MYH11: variants seen among roughly 807,000 people sequenced by gnomAD.
MYH11 encodes myosin heavy chain 11.
Under a neutral mutation model 246.6 loss-of-function variants are expected in MYH11, and 80 were observed. The ratio of observed to expected loss-of-function variants is 0.32; its 90% CI spans 0.27 to 0.39. The LOEUF (loss-of-function observed/expected upper bound fraction) is 0.39, where lower values mean the gene tolerates loss of function less well. Among genes scored for constraint, MYH11 ranks in the 10% least tolerant of loss-of-function variants. The probability of loss-of-function intolerance (pLI) is 1.00; values close to 1 mark genes in which losing one functional copy is unlikely to be tolerated. For missense variants in MYH11, 2,158 were observed against 2,546.8 expected, an observed-to-expected ratio of 0.85 and a Z score of 3.29; for synonymous variants, 1,071 against 1,015.5, an observed-to-expected ratio of 1.05 and a Z score of -1.04.
intron 28 of MYH11, 145 bp downstream of exon 28, chr16:15,726,703 T>A (rs758100233): frequency 7.6e-6 from 7 of 923,926 alleles, no homozygotes; most frequent in Non-Finnish European, 1.0e-5. Context: ...AACAGGGAGA[T>A]CATCGCCTCT....
At chr16:15,755,842 G>A (rs1378745376) in intron 14 of MYH11, among the ~76,000 whole-genome samples, 1 of 152,208 alleles carries the variant, frequency 6.6e-6, no homozygotes, top group Non-Finnish European at 1.5e-5. Flanking sequence ...TGAGGCAGGA[G>A]AATCTCTTGA....
rs1443950324 is a variant in MYH11, at chr16:15,717,786, CCT to C, written c.5296-440_5296-439del. On this transcript the variant is annotated intron_variant, in intron 37 of 40. Coordinates refer to ENST00000300036, the MANE Select transcript of MYH11 (RefSeq NM_002474.3). ...ACTCCAGCCTGGGCCACAGAGAGACCCTGTCTCCAAAAAAAAGAGGTGCTTCC... is the reference window on the plus strand; with the variant it reads ...ACTCCAGCCTGGGCCACAGAGAGACCGTCTCCAAAAAAAAGAGGTGCTTCC... 9.1e-5 allele frequency: 24 copies of C among 264,354 alleles called. No individual in the cohort carries two copies. The South Asian group carries it at 1.1e-3, about 12-fold the overall frequency. The allele number at this position is 264,354 out of a possible 1,614,324, so 16.4% of individuals were successfully genotyped here.
intron 1 of MYH11, among the ~76,000 whole-genome samples, chr16:15,840,976 A>G (rs1250592391): frequency 2.6e-5 from 4 of 152,220 alleles, no homozygotes; most frequent in African/African-American, 7.2e-5. Context: ...GTACATTTCT[A>G]AAAGTCTAGA....
At chr16:15,708,309 C>T (rs1048744159) in intron 40 of MYH11, among the ~76,000 whole-genome samples, 3 of 152,150 alleles carry the variant, frequency 2.0e-5, no homozygotes, top group African/African-American at 7.2e-5. Flanking sequence ...TTACCGTGAA[C>T]TTTGTGATCT....
chr16:15,778,998 C>A (rs1447462257), intron 6 of MYH11, 155 bp from the exon 7 acceptor site: 2 of 750,390 alleles, frequency 2.7e-6, no homozygotes, highest in Non-Finnish European at 4.7e-6. Context: ...AGTTGTCAGG[C>A]GGAACCAACA....
intron 1 of MYH11, among the ~76,000 whole-genome samples, chr16:15,844,278 A>G (rs2044131943): frequency 6.6e-6 from 1 of 152,032 alleles, no homozygotes; most frequent in African/African-American, 2.4e-5. Flanking sequence ...GCTCACTGCA[A>G]CCTCCACCTC....
At chr16:15,784,864 G>C in intron 5 of MYH11, 1 of 809,990 alleles carries the variant, frequency 1.2e-6, no homozygotes, top group Non-Finnish European at 2.0e-6. Flanking sequence ...CCTTGATACT[G>C]TTTCTTTTCT....
At chr16:15,800,439 G>GA (rs1194463220) in intron 3 of MYH11, among the ~76,000 whole-genome samples, 19 of 151,806 alleles carry the variant, frequency 1.3e-4, no homozygotes, top group Admixed American at 9.8e-4. Flanking sequence ...AAGAAAGAAA[G>GA]AAGAAAGGAG....
chr16:15,799,949 T>C (rs1219487983), intron 3 of MYH11, among the ~76,000 whole-genome samples: 1 of 149,774 alleles, frequency 6.7e-6, no homozygotes, highest in East Asian at 2.0e-4. Flanking sequence ...GGAAGATGAG[T>C]GGACGGAAGG....
At chr16:15,711,622 T>C (rs1207813979) in intron 40 of MYH11, among the ~76,000 whole-genome samples, 1 of 152,138 alleles carries the variant, frequency 6.6e-6, no homozygotes, top group African/African-American at 2.4e-5. Context: ...TGTGGTGGTA[T>C]GAGAATGAAG....
In MYH11 at chr16:15,726,885, G is replaced by A. The variant is rs1060500723; in HGVS notation, c.3821C>T (p.Ala1274Val). 2 of 1,612,244 alleles carry A rather than the reference G, an allele frequency of 1.2e-6. No homozygotes were observed. The highest frequency in any genetic ancestry group is 1.7e-6 in the Non-Finnish European group (2 of 1,179,988). ...LQSKCSDGER[A>V]RAELNDKVHK... ...GACTTTGTCATTGAGCTCCGCCCGG[G>A]CCCGCTCCCCATCGCTGCACTTGGA... Residue 1274 changes from alanine to valine, a missense_variant, in exon 28 of 41, where the codon GCC (alanine) becomes GTC (valine). Physicochemically the swap from Ala to Val is moderately conservative, Grantham distance 64 (BLOSUM62 0). Around this residue, in one of 11 missense-constraint regions of MYH11, gnomAD observed 1,013 missense variants for 993.5 expected, o/e 1.02. Transcript: ENST00000300036.
chr16:15,831,663 G>T (rs2043743474), intron 2 of MYH11, among the ~76,000 whole-genome samples: 1 of 152,170 alleles, frequency 6.6e-6, no homozygotes, highest in Non-Finnish European at 1.5e-5. Flanking sequence ...AGAAGGCTGG[G>T]TGCAGTGGCT....
At chr16:15,753,116 C>CT (rs1169177472) in intron 15 of MYH11, among the ~76,000 whole-genome samples, 1 of 152,188 alleles carries the variant, frequency 6.6e-6, no homozygotes, top group Non-Finnish European at 1.5e-5. Flanking sequence ...ACAGGGCAGT[C>CT]TAACTCCCCG....
intron 1 of MYH11, among the ~76,000 whole-genome samples, chr16:15,848,228 CTTTTTT>C (rs71134473): frequency 4.8e-5 from 5 of 104,362 alleles, no homozygotes; most frequent in Non-Finnish European, 5.9e-5. Context: ...GTTGCTAAGT[CTTTTTT>C]TTTTTTTTTT....
intron 40 of MYH11, chr16:15,713,695 GC>G (rs1192566484): frequency 1.3e-5 from 2 of 152,240 alleles, no homozygotes; most frequent in African/African-American, 2.4e-5. Context: ...ATGGGGTCTT[GC>G]TGCTCTTGAA....
intron 27 of MYH11, 80 bp from the exon 28 acceptor site, chr16:15,727,134 C>T (rs1441283524): frequency 1.5e-6 from 2 of 1,311,522 alleles, no homozygotes; most frequent in African/African-American, 2.9e-5. Flanking sequence ...TTTCCTCCCT[C>T]AGAGAGGTCC....
chr16:15,762,046 C>T (rs1041426842), intron 10 of MYH11, among the ~76,000 whole-genome samples: 2 of 152,246 alleles, frequency 1.3e-5, no homozygotes, highest in African/African-American at 2.4e-5. Context: ...ACAATCTCGG[C>T]GCACTGCAAT....
At chr16:15,786,289 G>T in intron 5 of MYH11, 1 of 419,060 alleles carries the variant, frequency 2.4e-6, no homozygotes, top group Non-Finnish European at 4.5e-6. Flanking sequence ...ACGAGCCACA[G>T]GGAAGCCCCT....
At chr16:15,810,875 C>T (rs4780581) in intron 3 of MYH11, among the ~76,000 whole-genome samples, 146,154 of 152,308 alleles carry the variant, frequency 0.96, 70,173 homozygotes, top group East Asian at 1. Flanking sequence ...TCATCTAAAA[C>T]AGTGATCTAG....
Sources: gnomAD v4.1 joint callset for allele counts (sites outside exome capture counted in the v4.1 genomes callset) on GRCh38, gnomAD v4.1.1 for gene constraint, gnomAD v4.1.1 regional missense constraint, MANE v1.5 for transcripts, NCBI Gene and HGNC (gene_info 2026-07-23, HGNC 2026-07-21) for gene names.